GLIS3: variants seen among roughly 807,000 people sequenced by gnomAD.
The protein encoded by GLIS3 is GLIS family zinc finger 3.
A neutral mutation model predicts 78.6 loss-of-function variants in GLIS3; 53 were observed. The observed-to-expected ratio is 0.67, with a 90% CI of 0.54 to 0.85. The LOEUF is 0.85. GLIS3 is among the 40% of genes least tolerant of loss of function. The pLI is 0.00. For synonymous variants in GLIS3, 684 were observed against 509.9 expected (o/e 1.34, Z -4.60); for missense variants, 1,703 against 1,231.1 (o/e 1.38, Z -5.74).
intron 4 of GLIS3, among the ~76,000 whole-genome samples, chr9:3,968,851 A>T (rs1818158894): frequency 6.6e-6 from 1 of 152,250 alleles, no homozygotes; most frequent in Non-Finnish European, 1.5e-5. Flanking sequence ...TGGTACATTT[A>T]GGGAGTTACT....
intron 2 of GLIS3, among the ~76,000 whole-genome samples, chr9:4,229,815 C>T (rs865922938): frequency 2.2e-4 from 33 of 152,340 alleles, no homozygotes; most frequent in Middle Eastern, 6.8e-3. Flanking sequence ...TCAAATGTCA[C>T]ATCTCCTGAA....
chr9:4,074,022 A>G (rs1827843148), intron 4 of GLIS3, among the ~76,000 whole-genome samples: 3 of 152,182 alleles, frequency 2.0e-5, no homozygotes, highest in Non-Finnish European at 4.4e-5. Flanking sequence ...ATTCATTTAA[A>G]TTTGTACAAG....
chr9:4,201,992 A>G (rs1325549016), intron 2 of GLIS3, among the ~76,000 whole-genome samples: 1 of 152,044 alleles, frequency 6.6e-6, no homozygotes, highest in Non-Finnish European at 1.5e-5. Context: ...ACAAAAAATT[A>G]GCCAGGTGTG....
At chr9:3,844,544 A>C (rs1818922523) in intron 9 of GLIS3, among the ~76,000 whole-genome samples, 1 of 152,226 alleles carries the variant, frequency 6.6e-6, no homozygotes, top group Non-Finnish European at 1.5e-5. Context: ...AGTCTATAAT[A>C]ATATTAATTA....
At chr9:3,829,546 G>C (rs535926925) in intron 9 of GLIS3, 54 bp from the exon 10 acceptor site, 2 of 1,593,008 alleles carry the variant, frequency 1.3e-6, no homozygotes, top group East Asian at 4.5e-5. Context: ...AAGTTCCACA[G>C]ATCATTCCAA....
intron 8 of GLIS3, among the ~76,000 whole-genome samples, chr9:3,873,274 C>G (rs1278534652): frequency 1.3e-5 from 2 of 152,126 alleles, no homozygotes; most frequent in East Asian, 3.9e-4. Flanking sequence ...AAAGTCACAA[C>G]AACAATAACA....
intron 2 of GLIS3, among the ~76,000 whole-genome samples, chr9:4,337,615 G>C (rs1387233868): frequency 6.6e-6 from 1 of 152,122 alleles, no homozygotes; most frequent in Non-Finnish European, 1.5e-5. Flanking sequence ...GACATGCTGA[G>C]TTGGACAAGG....
At chr9:4,438,322 G>A in the GLIS3 span, among the ~76,000 whole-genome samples, 5 of 152,014 alleles carry the variant, frequency 3.3e-5, no homozygotes, top group Non-Finnish European at 2.9e-5. Flanking sequence ...AGAAAAAATC[G>A]CAGATATAGC....
intron 4 of GLIS3, among the ~76,000 whole-genome samples, chr9:4,010,881 AG>A (rs1588447152): frequency 6.6e-6 from 1 of 152,236 alleles, no homozygotes; most frequent in Non-Finnish European, 1.5e-5. Flanking sequence ...TCCTACCGTT[AG>A]GAAAATGTTC....
chr9:4,367,534 A>C, the GLIS3 span, among the ~76,000 whole-genome samples: 1 of 151,370 alleles, frequency 6.6e-6, no homozygotes, highest in Non-Finnish European at 1.5e-5. Context: ...TCCCCTTTTA[A>C]AAATGTTCTC....
At chr9:4,199,754 G>A (rs1819196624) in intron 2 of GLIS3, among the ~76,000 whole-genome samples, 1 of 152,098 alleles carries the variant, frequency 6.6e-6, no homozygotes, top group South Asian at 2.1e-4. Flanking sequence ...AGATCATTGA[G>A]GCAAAAAACA....
At position 4,329,319 on chromosome 9, in the gene GLIS3, T is replaced by C. The variant is rs139180347; in HGVS notation, n.264+17762A>G. 3.9e-5 allele frequency among the ~76,000 whole-genome samples: 6 copies of C among 152,332 alleles called. No individual in the cohort carries two copies. The East Asian group carries it at 1.2e-3, about 29-fold the overall frequency. ...TTTCCCATTCATATCCTCACACTTT[T>C]CTCTGTTAGCTTGTTTCCGATAATT... On this transcript the variant is annotated intron_variant and non_coding_transcript_variant, in intron 2 of 4. Coordinates refer to the GLIS3 transcript ENST00000471664.
intron 2 of GLIS3, among the ~76,000 whole-genome samples, chr9:4,175,078 G>A (rs941176976): frequency 5.3e-5 from 8 of 152,180 alleles, no homozygotes; most frequent in African/African-American, 1.9e-4. Flanking sequence ...TTAAAGAGCA[G>A]GCATTTTAAG....
intron 4 of GLIS3, among the ~76,000 whole-genome samples, chr9:4,005,192 T>C (rs183037637): frequency 6.6e-6 from 1 of 152,352 alleles, no homozygotes; most frequent in Non-Finnish European, 1.5e-5. Flanking sequence ...ATTGGTGTTT[T>C]CTGTTTTGGA....
chr9:4,339,539 G>T (rs1363860657), intron 2 of GLIS3, among the ~76,000 whole-genome samples: 1 of 151,222 alleles, frequency 6.6e-6, no homozygotes, highest in Non-Finnish European at 1.5e-5. Context: ...GCAGAGGTTT[G>T]GATTGCTAAC....
intron 1 of GLIS3, among the ~76,000 whole-genome samples, chr9:4,297,996 C>T (rs994133361): frequency 6.6e-6 from 1 of 152,142 alleles, no homozygotes; most frequent in African/African-American, 2.4e-5. Context: ...CGGCTGCGAC[C>T]CCGTCACTCC....
At chr9:4,337,861 C>G (rs1817775663) in intron 2 of GLIS3, among the ~76,000 whole-genome samples, 1 of 152,136 alleles carries the variant, frequency 6.6e-6, no homozygotes, top group African/African-American at 2.4e-5. Context: ...TATGAGGCAA[C>G]TATTACCCCC....
the GLIS3 span, among the ~76,000 whole-genome samples, chr9:4,449,179 G>A: frequency 6.6e-6 from 1 of 152,182 alleles, no homozygotes; most frequent in Admixed American, 6.5e-5. Flanking sequence ...ACCATGCATG[G>A]CTTGGCGGAT....
chr9:4,133,865 CA>C (rs1564098477), intron 2 of GLIS3, among the ~76,000 whole-genome samples: 88 of 139,670 alleles, frequency 6.3e-4, no homozygotes, highest in African/African-American at 1.0e-3. Flanking sequence ...CACACACACA[CA>C]CACACACACC....
Sources: allele counts gnomAD v4.1 joint callset (sites outside exome capture counted in the v4.1 genomes callset), GRCh38; gene constraint gnomAD v4.1.1; transcripts MANE v1.5; gene names NCBI Gene and HGNC (gene_info 2026-07-23, HGNC 2026-07-21).